The following RBFOX1 variants were observed in gnomAD, a reference collection of about 807,000 sequenced individuals.
RBFOX1 encodes the protein RNA binding fox-1 homolog 1, also known as RNA binding protein fox-1 homolog 1.
In RBFOX1, 8 loss-of-function variants were observed where a neutral mutation model predicts 57.7. That is an observed-to-expected ratio of 0.14 (90% CI 0.08 to 0.25). The LOEUF (loss-of-function observed/expected upper bound fraction) is 0.25. RBFOX1 is among the 10% of genes least tolerant of loss of function. The pLI is 1.00. For synonymous variants in RBFOX1, 326 were observed against 222.4 expected, an observed-to-expected ratio of 1.47 and a Z score of -4.15; for missense variants, 611 against 548.5, an observed-to-expected ratio of 1.11 and a Z score of -1.14.
chr16:7,241,970 T>G (rs1350391545), intron 4 of RBFOX1, among the ~76,000 whole-genome samples: 1 of 151,974 alleles, frequency 6.6e-6, no homozygotes, highest in Non-Finnish European at 1.5e-5. Flanking sequence ...TATTTAAGGG[T>G]TTTCAACTTT....
intron 10 of RBFOX1, among the ~76,000 whole-genome samples, chr16:7,608,823 A>G (rs574227835): frequency 2.0e-5 from 3 of 152,238 alleles, no homozygotes; most frequent in Non-Finnish European, 2.9e-5. Flanking sequence ...ACAAAAATGA[A>G]TATGTTAATC....
intron 2 of RBFOX1, chr16:6,483,859 A>T: frequency 2.5e-6 from 3 of 1,188,932 alleles, no homozygotes; most frequent in Non-Finnish European, 3.2e-6. Context: ...AATCCGGGAA[A>T]CCCAAACCGG....
intron 2 of RBFOX1, among the ~76,000 whole-genome samples, chr16:6,641,453 C>A (rs192107581): frequency 3.9e-5 from 6 of 151,946 alleles, no homozygotes; most frequent in African/African-American, 1.2e-4. Flanking sequence ...TTTGCCCTGA[C>A]GCCGGGCACG....
chr16:6,441,169 G>C (rs76029764), intron 2 of RBFOX1, among the ~76,000 whole-genome samples: 1 of 152,086 alleles, frequency 6.6e-6, no homozygotes. Context: ...GTGAGTGGAT[G>C]GCAGCTGTAT....
At chr16:7,142,111 C>T (rs1349124498) in intron 4 of RBFOX1, among the ~76,000 whole-genome samples, 1 of 152,088 alleles carries the variant, frequency 6.6e-6, no homozygotes, top group African/African-American at 2.4e-5. Context: ...GCAGCATCAA[C>T]CTCCCAGGCT....
At chr16:7,092,753 G>T (rs2061070689) in intron 4 of RBFOX1, among the ~76,000 whole-genome samples, 1 of 152,132 alleles carries the variant, frequency 6.6e-6, no homozygotes, top group Non-Finnish European at 1.5e-5. Flanking sequence ...GAAAACAGAG[G>T]ATTGCTTGTT....
intron 4 of RBFOX1, among the ~76,000 whole-genome samples, chr16:7,110,008 G>A (rs746014475): frequency 6.6e-6 from 1 of 152,060 alleles, no homozygotes; most frequent in Non-Finnish European, 1.5e-5. Flanking sequence ...TTATCTTACA[G>A]GGAGGAGGAG....
At chr16:6,484,553 G>T (rs530100753) in intron 2 of RBFOX1, among the ~76,000 whole-genome samples, 1 of 152,270 alleles carries the variant, frequency 6.6e-6, no homozygotes, top group Non-Finnish European at 1.5e-5. Flanking sequence ...TGCATTTATA[G>T]AATATATTAT....
intron 3 of RBFOX1, among the ~76,000 whole-genome samples, chr16:6,800,913 C>A (rs527398666): frequency 1.3e-5 from 2 of 152,096 alleles, no homozygotes; most frequent in South Asian, 4.1e-4. Flanking sequence ...AATCTGGAAA[C>A]TAGTTTGCTA....
intron 1 of RBFOX1, among the ~76,000 whole-genome samples, chr16:6,102,167 C>G (rs1312458143): frequency 1.5e-5 from 2 of 135,744 alleles, no homozygotes; most frequent in African/African-American, 5.8e-5. Context: ...GTAATCTTCC[C>G]TCTTTCAGCC....
intron 3 of RBFOX1, among the ~76,000 whole-genome samples, chr16:6,936,630 C>T (rs1204977494): frequency 6.6e-6 from 1 of 151,970 alleles, no homozygotes; most frequent in Non-Finnish European, 1.5e-5. Context: ...CACAGAAGCA[C>T]TATAAGGTAA....
At chr16:6,530,891 A>T (rs767038438) in intron 2 of RBFOX1, among the ~76,000 whole-genome samples, 1 of 152,038 alleles carries the variant, frequency 6.6e-6, no homozygotes, top group African/African-American at 2.4e-5. Context: ...TCAAGATGAG[A>T]TTTGCATAGG....
At chr16:7,054,545 TG>T (rs71147645) in intron 4 of RBFOX1, among the ~76,000 whole-genome samples, 1 of 108,470 alleles carries the variant, frequency 9.2e-6, no homozygotes, top group Non-Finnish European at 2.0e-5. Context: ...CAAACCTGGG[TG>T]GGGGGGCATT....
chr16:7,548,858 T>C (rs1265913379), intron 5 of RBFOX1, among the ~76,000 whole-genome samples: 1 of 152,146 alleles, frequency 6.6e-6, no homozygotes, highest in African/African-American at 2.4e-5. Context: ...TGCCTATTAG[T>C]TAGGGACCCA....
intron 3 of RBFOX1, among the ~76,000 whole-genome samples, chr16:7,007,939 T>C (rs2093397763): frequency 1.3e-5 from 2 of 152,126 alleles, no homozygotes; most frequent in Admixed American, 6.5e-5. Flanking sequence ...GTACAACAGG[T>C]GCCGTGAGAA....
chr16:5,461,701 C>A (rs2032047401), intron 1 of RBFOX1, among the ~76,000 whole-genome samples: 1 of 152,110 alleles, frequency 6.6e-6, no homozygotes, highest in African/African-American at 2.4e-5. Flanking sequence ...GTTTCCTTGG[C>A]AGAACCTAAT....
intron 1 of RBFOX1, among the ~76,000 whole-genome samples, chr16:6,314,596 G>A (rs995186308): frequency 6.6e-6 from 1 of 152,184 alleles, no homozygotes; most frequent in Non-Finnish European, 1.5e-5. Flanking sequence ...TGTGTCTTAA[G>A]TATTTGATTT....
At chr16:5,756,646 C>T (rs1452188397) in intron 3 of RBFOX1, among the ~76,000 whole-genome samples, 5 of 152,136 alleles carry the variant, frequency 3.3e-5, no homozygotes, top group African/African-American at 1.2e-4. Context: ...CCTGCCTTTC[C>T]AGCCATCGAA....
chr16:7,706,311 C>T (rs1011151962), intron 14 of RBFOX1, among the ~76,000 whole-genome samples: 2 of 152,152 alleles, frequency 1.3e-5, no homozygotes, highest in South Asian at 4.1e-4. Flanking sequence ...GTAGAGGTCA[C>T]CCTGAAGAGA....
Sources: allele counts gnomAD v4.1 joint callset (sites outside exome capture counted in the v4.1 genomes callset), GRCh38; gene constraint gnomAD v4.1.1; transcripts MANE v1.5; gene names NCBI Gene and HGNC (gene_info 2026-07-23, HGNC 2026-07-21).